The following PLCB1 variants were observed in gnomAD, a reference collection of about 807,000 sequenced individuals.
PLCB1 encodes 1-phosphatidylinositol 4,5-bisphosphate phosphodiesterase beta-1.
In PLCB1, 46 loss-of-function variants were observed where a neutral mutation model predicts 161.8. The observed-to-expected ratio is 0.28, with a 90% CI of 0.22 to 0.36. The LOEUF (loss-of-function observed/expected upper bound fraction) is 0.36. Ranked by LOEUF, PLCB1 falls within the 10% of genes least tolerant of loss-of-function variation. PLCB1 has a pLI of 1.00. For missense variants in PLCB1, 1,016 were observed against 1,472.5 expected, an observed-to-expected ratio of 0.69 and a Z score of 5.07; for synonymous variants, 517 against 503.7, an observed-to-expected ratio of 1.03 and a Z score of -0.35.
At chr20:8,384,543 T>A (rs1883123715) in intron 3 of PLCB1, among the ~76,000 whole-genome samples, 1 of 152,116 alleles carries the variant, frequency 6.6e-6, no homozygotes, top group Non-Finnish European at 1.5e-5. Flanking sequence ...CATCTCATCC[T>A]CTGTCCAGTT....
chr20:8,222,705 C>T (rs907936513), intron 2 of PLCB1, among the ~76,000 whole-genome samples: 5 of 151,992 alleles, frequency 3.3e-5, no homozygotes, highest in South Asian at 2.1e-4. Context: ...AATTACATGC[C>T]GTTAGACTTT....
chr20:8,307,892 C>T (rs919152015), intron 2 of PLCB1, among the ~76,000 whole-genome samples: 2 of 151,890 alleles, frequency 1.3e-5, no homozygotes, highest in African/African-American at 4.8e-5. Flanking sequence ...CACTGCACTC[C>T]AGCCTGGGCA....
intron 2 of PLCB1, among the ~76,000 whole-genome samples, chr20:8,236,196 A>C (rs771164446): frequency 6.6e-6 from 1 of 152,148 alleles, no homozygotes; most frequent in African/African-American, 2.4e-5. Flanking sequence ...AAATCAATTC[A>C]TCAGTAAAAC....
chr20:8,876,680 T>A (rs1346179229), intron 31 of PLCB1, among the ~76,000 whole-genome samples: 1 of 152,224 alleles, frequency 6.6e-6, no homozygotes, highest in East Asian at 1.9e-4. Context: ...AGTAGGCTTG[T>A]TCATGCCTGT....
chr20:8,706,915 A>G (rs1437306350), intron 11 of PLCB1, among the ~76,000 whole-genome samples: 1 of 152,216 alleles, frequency 6.6e-6, no homozygotes, highest in Non-Finnish European at 1.5e-5. Context: ...TAGCAAACCA[A>G]TACACAGAGG....
At chr20:8,488,511 A>T (rs1982820271) in intron 3 of PLCB1, among the ~76,000 whole-genome samples, 1 of 152,202 alleles carries the variant, frequency 6.6e-6, no homozygotes, top group Non-Finnish European at 1.5e-5. Context: ...GGAAACATCA[A>T]ACCCCTGAAT....
At chr20:8,176,871 A>G (rs1390988581) in intron 2 of PLCB1, among the ~76,000 whole-genome samples, 1 of 152,084 alleles carries the variant, frequency 6.6e-6, no homozygotes, top group Non-Finnish European at 1.5e-5. Context: ...GTGCCTGAGG[A>G]CTCTCAGTAT....
intron 31 of PLCB1, among the ~76,000 whole-genome samples, chr20:8,864,556 A>G (rs1987361941): frequency 6.6e-6 from 1 of 152,222 alleles, no homozygotes. Context: ...GAATGAATAA[A>G]TCAATGAATG....
intron 31 of PLCB1, among the ~76,000 whole-genome samples, chr20:8,820,671 C>T (rs1210694961): frequency 2.0e-5 from 3 of 152,016 alleles, no homozygotes; most frequent in East Asian, 1.9e-4. Context: ...GTATCAGGAG[C>T]GTTGTGCCAG....
chr20:8,144,448 C>T (rs2051434259), intron 1 of PLCB1, among the ~76,000 whole-genome samples: 2 of 152,298 alleles, frequency 1.3e-5, no homozygotes, highest in East Asian at 3.9e-4. Flanking sequence ...AGTATCTTCA[C>T]ATTGCTTCTC....
At chr20:8,253,179 G>A (rs1981243719) in intron 2 of PLCB1, among the ~76,000 whole-genome samples, 1 of 148,934 alleles carries the variant, frequency 6.7e-6, no homozygotes, top group South Asian at 2.2e-4. Context: ...TCACCAAGCT[G>A]GAATTCAGAG....
At chr20:8,832,303 C>T (rs533638930) in intron 31 of PLCB1, among the ~76,000 whole-genome samples, 10 of 152,248 alleles carry the variant, frequency 6.6e-5, no homozygotes, top group African/African-American at 1.7e-4. Flanking sequence ...ACTCAGGGAA[C>T]TGGAGGGTTA....
intron 3 of PLCB1, among the ~76,000 whole-genome samples, chr20:8,519,510 G>T (rs1259953543): frequency 6.6e-6 from 1 of 152,068 alleles, no homozygotes; most frequent in African/African-American, 2.4e-5. Flanking sequence ...CATCCTGCCT[G>T]CTCTCTCTCC....
rs531423246 is a variant in PLCB1, at chr20:8,344,873, A to G, written c.178-26509A>G. ...AAATGTTTGAACGTTCAGGACAGTT[A>G]AAAGAAGAAAAGATATAAGCATTGG... On this transcript the variant is annotated intron_variant, in intron 2 of 31. Coordinates refer to ENST00000338037, the MANE Select transcript of PLCB1 (RefSeq NM_015192.4). Among the ~76,000 whole-genome samples, 11 of 152,334 alleles carry G rather than the reference A, an allele frequency of 7.2e-5. 1 individual carries two copies. The highest frequency in any genetic ancestry group is 2.6e-4 in the African/African-American group (11 of 41,586).
chr20:8,524,216 T>C (rs1443465774), intron 3 of PLCB1, among the ~76,000 whole-genome samples: 1 of 152,158 alleles, frequency 6.6e-6, no homozygotes, highest in Non-Finnish European at 1.5e-5. Context: ...TTAGAGAAGA[T>C]GCTTGAAGAA....
chr20:8,234,024 C>T (rs1448816239), intron 2 of PLCB1, among the ~76,000 whole-genome samples: 1 of 152,092 alleles, frequency 6.6e-6, no homozygotes, highest in Non-Finnish European at 1.5e-5. Flanking sequence ...CATAGCATTG[C>T]TATGGGTATT....
intron 3 of PLCB1, among the ~76,000 whole-genome samples, chr20:8,540,082 T>C (rs113372552): frequency 0.019 from 2,829 of 152,266 alleles, 71 homozygotes; most frequent in African/African-American, 0.06. Flanking sequence ...ACACAGTCAG[T>C]GAGGCTAACA....
At position 8,154,175 on chromosome 20, in the gene PLCB1, C is replaced by T. The variant is rs574301967; in HGVS notation, c.177+3804C>T. Reference sequence around the variant, plus strand: ...TAACCATTCTACAATTTCCTTTTTACCATATAGTGTGTCTCAGAGAACTTT... The same window carrying T: ...TAACCATTCTACAATTTCCTTTTTATCATATAGTGTGTCTCAGAGAACTTT... On this transcript the variant is annotated intron_variant, in intron 2 of 31. Coordinates refer to ENST00000338037, the MANE Select transcript of PLCB1 (RefSeq NM_015192.4). Among the ~76,000 whole-genome samples the T allele has an allele frequency of 1.9e-3, 293 of 152,200 alleles. 5 individuals carry two copies. The highest frequency in any genetic ancestry group is 6.8e-3 in the African/African-American group (283 of 41,526).
Position 8,132,646 on chromosome 20 carries a change from G to A in PLCB1, c.-6G>A. 1 of 1,607,574 alleles carries A rather than the reference G, an allele frequency of 6.2e-7. No individual in the cohort carries two copies. Among genetic ancestry groups the A allele is most frequent in the Non-Finnish European group, 8.5e-7 (1 of 1,176,296 alleles). On this transcript the variant is annotated 5_prime_UTR_variant, in exon 1 of 32. Coordinates refer to ENST00000338037, the MANE Select transcript of PLCB1 (RefSeq NM_015192.4). This position sits in a 1 kb window ranked among gnomAD's most constrained non-coding sequence, Gnocchi z 5.2. Reference sequence around the variant, plus strand: ...CCCGGGCCGCCCGGAGCCCAGATGAGCCCAGATGGCCGGGGCTCAACCCGG... The same window carrying A: ...CCCGGGCCGCCCGGAGCCCAGATGAACCCAGATGGCCGGGGCTCAACCCGG...
Sources: allele counts gnomAD v4.1 joint callset (sites outside exome capture counted in the v4.1 genomes callset), GRCh38; gene constraint gnomAD v4.1.1; non-coding constraint Gnocchi (gnomAD v3.1); transcripts MANE v1.5; gene names NCBI Gene and HGNC (gene_info 2026-07-23, HGNC 2026-07-21).